Variants in MNAT1 observed in about 807,000 individuals in gnomAD.
The protein encoded by MNAT1 is CDK-activating kinase assembly factor MAT1.
MNAT1 carries 43 observed loss-of-function variants against 42.0 expected under a neutral mutation model. The observed-to-expected ratio is 1.02, with a 90% CI of 0.80 to 1.32. The LOEUF (loss-of-function observed/expected upper bound fraction) is 1.32, where lower values mean the gene tolerates loss of function less well. Ranked by LOEUF, MNAT1 falls within the 40% of genes most tolerant of loss-of-function variation. The pLI, the probability that MNAT1 is intolerant of heterozygous loss-of-function variation, is 0.00. For synonymous variants in MNAT1, 118 were observed against 120.0 expected (o/e 0.98, Z 0.11); for missense variants, 306 against 350.4 (o/e 0.87, Z 1.01).
chr14:60,745,583 A>AT (rs1325394794), intron 1 of MNAT1, among the ~76,000 whole-genome samples: 3 of 151,940 alleles, frequency 2.0e-5, no homozygotes, highest in Non-Finnish European at 4.4e-5. Flanking sequence ...CGCCTGGCTA[A>AT]TTTTTGTATT....
rs574148926 is a variant in MNAT1, at chr14:60,857,091, A to G, written c.688-22623A>G. ...AGGTGACAGCGTATCTGCTTACAGCATGGCTTGCTGAATATTTGAAGCCCA... is the reference window on the plus strand; with the variant it reads ...AGGTGACAGCGTATCTGCTTACAGCGTGGCTTGCTGAATATTTGAAGCCCA... On this transcript the variant is annotated intron_variant, in intron 6 of 7. Coordinates refer to ENST00000261245, the MANE Select transcript of MNAT1 (RefSeq NM_002431.4). 2.6e-5 allele frequency among the ~76,000 whole-genome samples: 4 copies of G among 152,348 alleles called. No homozygotes were observed. In the South Asian group the frequency reaches 8.3e-4, roughly 32 times the overall value.
At chr14:60,883,676 C>T (rs1244969970) in intron 7 of MNAT1, among the ~76,000 whole-genome samples, 1 of 151,846 alleles carries the variant, frequency 6.6e-6, no homozygotes, top group Non-Finnish European at 1.5e-5. Flanking sequence ...GGTACTATGG[C>T]CATTTTAACA....
intron 7 of MNAT1, among the ~76,000 whole-genome samples, chr14:60,920,355 A>AT (rs2139550471): frequency 6.6e-6 from 1 of 152,294 alleles, no homozygotes; most frequent in East Asian, 1.9e-4. Context: ...GATCCACCTT[A>AT]TATTCACCTA....
intron 6 of MNAT1, among the ~76,000 whole-genome samples, chr14:60,858,584 G>C (rs1169283851): frequency 1.3e-5 from 2 of 152,092 alleles, no homozygotes; most frequent in South Asian, 2.1e-4. Context: ...AAGAAGTTCT[G>C]TGCGTTAAAT....
chr14:60,766,498 C>G (rs59690386), intron 1 of MNAT1, among the ~76,000 whole-genome samples: 2 of 151,956 alleles, frequency 1.3e-5, no homozygotes, highest in Non-Finnish European at 2.9e-5. Flanking sequence ...TGGATCATGA[C>G]GTCAGGAGAT....
chr14:60,806,908 GGAGCCTCC>G (rs2032388807), intron 3 of MNAT1, among the ~76,000 whole-genome samples: 1 of 152,154 alleles, frequency 6.6e-6, no homozygotes, highest in South Asian at 2.1e-4. Flanking sequence ...CTGCTTGTCT[GGAGCCTCC>G]CTCTGACTGT....
chr14:60,930,057 A>G (rs754974552), intron 7 of MNAT1, among the ~76,000 whole-genome samples: 14 of 152,020 alleles, frequency 9.2e-5, no homozygotes, highest in Middle Eastern at 3.4e-3. Flanking sequence ...GGCTTCCTTA[A>G]TTACTTTTCC....
At chr14:60,883,459 A>G (rs1460579770) in intron 7 of MNAT1, among the ~76,000 whole-genome samples, 3 of 152,110 alleles carry the variant, frequency 2.0e-5, no homozygotes, top group East Asian at 1.9e-4. Flanking sequence ...TGCCAGTACC[A>G]TGCTATTTTA....
At chr14:60,753,275 A>C (rs1162487220) in intron 1 of MNAT1, among the ~76,000 whole-genome samples, 2 of 152,204 alleles carry the variant, frequency 1.3e-5, no homozygotes, top group Admixed American at 1.3e-4. Flanking sequence ...GAGGATAAAC[A>C]GTTGACCATT....
At chr14:60,818,587 TA>T in intron 5 of MNAT1, 134 bp from the exon 6 acceptor site, 1 of 608,768 alleles carries the variant, frequency 1.6e-6, no homozygotes, top group Non-Finnish European at 2.4e-6. Context: ...ATATTTTTTG[TA>T]AAGTGTCCTC....
intron 1 of MNAT1, among the ~76,000 whole-genome samples, chr14:60,787,728 G>C (rs1005154814): frequency 3.3e-5 from 5 of 152,108 alleles, no homozygotes; most frequent in Admixed American, 2.0e-4. Context: ...TCTTCACCAG[G>C]AGTAGATTCC....
At chr14:60,875,714 CTT>C (rs891616989) in intron 6 of MNAT1, among the ~76,000 whole-genome samples, 9 of 152,062 alleles carry the variant, frequency 5.9e-5, no homozygotes, top group African/African-American at 2.2e-4. Flanking sequence ...TCAGAGAAGA[CTT>C]TGAATTATAA....
intron 1 of MNAT1, among the ~76,000 whole-genome samples, chr14:60,739,244 C>T (rs1239176066): frequency 6.6e-6 from 1 of 152,110 alleles, no homozygotes. Flanking sequence ...CCTTTTAAAA[C>T]CTAATGATAG....
At chr14:60,868,219 G>T (rs1263523035) in intron 6 of MNAT1, among the ~76,000 whole-genome samples, 1 of 152,074 alleles carries the variant, frequency 6.6e-6, no homozygotes, top group Non-Finnish European at 1.5e-5. Flanking sequence ...ATATACATAT[G>T]TACAAATAGA....
At chr14:60,840,705 C>T (rs2033525459) in intron 6 of MNAT1, among the ~76,000 whole-genome samples, 1 of 152,032 alleles carries the variant, frequency 6.6e-6, no homozygotes, top group South Asian at 2.1e-4. Flanking sequence ...TCTTGTTGCC[C>T]AGGCTGGAGT....
chr14:60,763,993 G>C (rs1204854208), intron 1 of MNAT1, among the ~76,000 whole-genome samples: 1 of 152,132 alleles, frequency 6.6e-6, no homozygotes, highest in East Asian at 1.9e-4. Flanking sequence ...CTTACTGTCT[G>C]GGTTTATGTT....
chr14:60,893,253 A>G (rs2034883518), intron 7 of MNAT1, among the ~76,000 whole-genome samples: 1 of 151,916 alleles, frequency 6.6e-6, no homozygotes, highest in Non-Finnish European at 1.5e-5. Flanking sequence ...ATTCTTTTTA[A>G]TATTGCAATT....
chr14:60,797,528 G>A (rs183783105), intron 2 of MNAT1, among the ~76,000 whole-genome samples: 3 of 152,180 alleles, frequency 2.0e-5, no homozygotes, highest in Admixed American at 2.0e-4. Context: ...GTCTTAACAA[G>A]GATTTTGCAT....
At chr14:60,782,902 C>T (rs1305671821) in intron 1 of MNAT1, among the ~76,000 whole-genome samples, 2 of 152,164 alleles carry the variant, frequency 1.3e-5, no homozygotes, top group African/African-American at 4.8e-5. Context: ...GCAGACATAA[C>T]TTTGTTCTGT....
Sources: allele counts gnomAD v4.1 joint callset (sites outside exome capture counted in the v4.1 genomes callset), GRCh38; gene constraint gnomAD v4.1.1; transcripts MANE v1.5; gene names NCBI Gene and HGNC (gene_info 2026-07-23, HGNC 2026-07-21).